The following SPC25 variants were observed in gnomAD, a reference collection of about 807,000 sequenced individuals.
The protein encoded by SPC25 is kinetochore protein Spc25.
SPC25 carries 22 observed loss-of-function variants against 29.6 expected under a neutral mutation model. The observed-to-expected ratio is 0.74, with a 90% CI of 0.53 to 1.06. The LOEUF (loss-of-function observed/expected upper bound fraction) is 1.06. Ranked by LOEUF, SPC25 falls within the 50% of genes least tolerant of loss-of-function variation. The pLI is 0.00. For synonymous variants in SPC25, 91 were observed against 90.4 expected, an observed-to-expected ratio of 1.01 and a Z score of -0.04; for missense variants, 230 against 255.8, an observed-to-expected ratio of 0.90 and a Z score of 0.69.
chr2:168,873,354 G>A (rs1690028746), intron 6 of SPC25, among the ~76,000 whole-genome samples: 2 of 152,166 alleles, frequency 1.3e-5, no homozygotes, highest in African/African-American at 4.8e-5. Flanking sequence ...TTCAGACACT[G>A]TGGCACTGTG....
intron 4 of SPC25, chr2:168,864,766 T>G: frequency 1.3e-6 from 2 of 1,573,682 alleles, no homozygotes; most frequent in South Asian, 1.1e-5. Flanking sequence ...TCCTTAAAAC[T>G]CTTATCAATC....
At chr2:168,888,964 T>TAG (rs1690325430) in intron 3 of SPC25, among the ~76,000 whole-genome samples, 1 of 86,022 alleles carries the variant, frequency 1.2e-5, no homozygotes, top group Non-Finnish European at 2.3e-5. Context: ...TGTGTATATA[T>TAG]ATATATATAC....
chr2:168,868,527 A>G (rs2105818145), downstream of SPC25, among the ~76,000 whole-genome samples: 1 of 152,320 alleles, frequency 6.6e-6, no homozygotes, highest in Non-Finnish European at 1.5e-5. Flanking sequence ...AGGGGATATC[A>G]CCACCGATCC....
chr2:168,871,415 A>G lies in SPC25; in HGVS notation c.*16T>C, dbSNP rs1485744974. On this transcript the variant is annotated 3_prime_UTR_variant, in exon 7 of 7. Coordinates refer to ENST00000282074, the MANE Select transcript of SPC25 (RefSeq NM_020675.4). ...GAGAAGAAAAATAAACCGTTTTTAT[A>G]TACACTATTTGTATGTTAATTATAA... 6 of 1,576,492 alleles carry G rather than the reference A, an allele frequency of 3.8e-6. No homozygotes were observed. Among genetic ancestry groups the G allele is most frequent in the Non-Finnish European group, 5.1e-6 (6 of 1,168,852 alleles).
chr2:168,861,876 A>T, intron 4 of SPC25: 1 of 1,224,412 alleles, frequency 8.2e-7, no homozygotes, highest in Non-Finnish European at 1.2e-6. Flanking sequence ...ACTCTGCATC[A>T]CACTGTTAAA....
intron 5 of SPC25, among the ~76,000 whole-genome samples, chr2:168,875,368 G>C (rs1473068180): frequency 6.6e-6 from 1 of 152,100 alleles, no homozygotes; most frequent in Non-Finnish European, 1.5e-5. Context: ...ATTGTAAGTT[G>C]AACTATCATA....
chr2:168,861,875 C>A, intron 4 of SPC25: 1 of 1,215,768 alleles, frequency 8.2e-7, no homozygotes, highest in Non-Finnish European at 1.2e-6. Context: ...AACTCTGCAT[C>A]ACACTGTTAA....
In SPC25 at chr2:168,889,451, C is replaced by T. The variant is rs202182926; in HGVS notation, c.69G>A (p.Thr23=). The change falls in exon 2 of 7, where the codon ACG becomes ACA. Residue 23 remains threonine (T), a synonymous_variant. Coordinates refer to ENST00000282074, the MANE Select transcript of SPC25 (RefSeq NM_020675.4). ...GTCCCGCCATCTGACAGGAGGTGTCCGTACTTTTGAATTTATTCCAAAATT... is the reference window on the plus strand; with the variant it reads ...GTCCCGCCATCTGACAGGAGGTGTCTGTACTTTTGAATTTATTCCAAAATT... ...INEFWNKFKS[T]DTSCQMAGLR... is the part of the protein sequence containing the mutation. 16 of 1,613,904 alleles carry T rather than the reference C, an allele frequency of 9.9e-6. No individual in the cohort carries two copies. The highest frequency in any genetic ancestry group is 1.3e-5 in the African/African-American group (1 of 74,884).
intron 3 of SPC25, among the ~76,000 whole-genome samples, chr2:168,880,650 T>C (rs1227199373): frequency 6.6e-6 from 1 of 152,252 alleles, no homozygotes; most frequent in Non-Finnish European, 1.5e-5. Context: ...TGACACACTT[T>C]CCCACTAAGC....
At chr2:168,887,976 A>G (rs1426287392) in intron 3 of SPC25, among the ~76,000 whole-genome samples, 1 of 152,232 alleles carries the variant, frequency 6.6e-6, no homozygotes, top group Non-Finnish European at 1.5e-5. Flanking sequence ...TTTATATAAC[A>G]TTCAAAAACA....
At chr2:168,864,869 GGA>G (rs1456498190) in intron 4 of SPC25, 17 of 1,613,810 alleles carry the variant, frequency 1.1e-5, no homozygotes, top group Admixed American at 3.3e-5. Flanking sequence ...AAAAGAAGGA[GGA>G]TGGTGGTTTG....
At chr2:168,861,951 C>T (rs1483148468) in intron 4 of SPC25, 3 of 1,613,586 alleles carry the variant, frequency 1.9e-6, no homozygotes, top group Non-Finnish European at 2.5e-6. Flanking sequence ...ACAGCTTTAT[C>T]TATTTCAGCC....
downstream of SPC25, among the ~76,000 whole-genome samples, chr2:168,868,118 G>A (rs1285737406): frequency 1.3e-4 from 20 of 152,138 alleles, no homozygotes; most frequent in Non-Finnish European, 2.2e-4. Flanking sequence ...GGTACATAAC[G>A]AAATGAAGGC....
chr2:168,863,738 A>AAGAC (rs1276673551), intron 4 of SPC25: 1 of 835,662 alleles, frequency 1.2e-6, no homozygotes, highest in East Asian at 1.2e-4. Flanking sequence ...ATCTTAAGAA[A>AAGAC]AGACTGTTGG....
At chr2:168,873,920 G>T (rs1276306755) in intron 5 of SPC25, among the ~76,000 whole-genome samples, 1 of 152,028 alleles carries the variant, frequency 6.6e-6, no homozygotes, top group East Asian at 1.9e-4. Context: ...AAAAACTTTT[G>T]TCCTTCAAAG....
downstream of SPC25, among the ~76,000 whole-genome samples, chr2:168,869,197 G>C (rs1392936663): frequency 2.0e-5 from 3 of 152,086 alleles, no homozygotes; most frequent in Non-Finnish European, 4.4e-5. Flanking sequence ...GGTATTGATG[G>C]GATGTATCTC....
In SPC25 at chr2:168,889,266, T is replaced by G. The variant is rs1175861360; in HGVS notation, c.159A>C (p.Glu53Asp). The stretch of plus-strand genomic sequence containing the variant: ...GAAACATCTCAACCATTCGTTCTTC[T>G]TCCTTTAATTTCACAGACAGCTTTT... ...FAEKLSVKLK[E>D]EERMVEMFLE... The change falls in exon 3 of 7, where the codon GAA becomes GAC. Residue 53 changes from glutamate (E) to aspartate (D), a missense_variant. Glu to Asp is a conservative substitution (Grantham distance 45). Transcript: ENST00000282074. 1 of 1,613,884 alleles carries G rather than the reference T, an allele frequency of 6.2e-7. No individual in the cohort carries two copies. Among genetic ancestry groups the G allele is most frequent in the Non-Finnish European group, 8.5e-7 (1 of 1,179,976 alleles).
downstream of SPC25, among the ~76,000 whole-genome samples, chr2:168,866,747 C>A (rs1339192925): frequency 6.7e-6 from 1 of 150,282 alleles, no homozygotes; most frequent in Non-Finnish European, 1.5e-5. Flanking sequence ...GGCTAATATC[C>A]AGAATCTACA....
Position 168,863,903 on chromosome 2 carries a change from C to T in SPC25, n.419+9682G>A, listed in dbSNP as rs192131003. ...GGCAGCATAAGGATATATGATCCAA[C>T]GTGATCTTTTTTTATTTTTTTTTTT... On this transcript the variant is annotated intron_variant and non_coding_transcript_variant, in intron 4 of 4. Coordinates refer to the SPC25 transcript ENST00000479309. Among the ~76,000 whole-genome samples, 15 of 151,926 alleles carry T rather than the reference C, an allele frequency of 9.9e-5. No individual in the cohort carries two copies. The East Asian group carries it at 1.9e-3, about 20-fold the overall frequency.
Sources: allele counts gnomAD v4.1 joint callset (sites outside exome capture counted in the v4.1 genomes callset), GRCh38; gene constraint gnomAD v4.1.1; transcripts MANE v1.5; gene names NCBI Gene and HGNC (gene_info 2026-07-23, HGNC 2026-07-21).